The following MYO1E variants were observed in gnomAD, a reference collection of about 807,000 sequenced individuals.
MYO1E encodes unconventional myosin-Ie.
A neutral mutation model predicts 151.1 loss-of-function variants in MYO1E; 68 were observed. The ratio of observed to expected loss-of-function variants is 0.45; its 90% CI spans 0.37 to 0.55. The LOEUF is 0.55. Among genes scored for constraint, MYO1E ranks in the 20% least tolerant of loss-of-function variants. MYO1E has a pLI of 0.00. For missense variants in MYO1E, 1,363 were observed against 1,389.3 expected, an observed-to-expected ratio of 0.98 and a Z score of 0.30; for synonymous variants, 601 against 501.7, an observed-to-expected ratio of 1.20 and a Z score of -2.64.
chr15:59,303,738 G>A (rs2080497534), intron 1 of MYO1E, among the ~76,000 whole-genome samples: 1 of 152,114 alleles, frequency 6.6e-6, no homozygotes, highest in East Asian at 1.9e-4. Flanking sequence ...AAATGTGACA[G>A]GGAAAGGCGG....
intron 7 of MYO1E, among the ~76,000 whole-genome samples, chr15:59,226,018 G>A (rs767052563): frequency 2.0e-5 from 3 of 152,166 alleles, no homozygotes; most frequent in Non-Finnish European, 4.4e-5. Context: ...GGTGGTTTCT[G>A]ACTTAAGGGC....
At chr15:59,255,467 T>C (rs1468462929) in intron 4 of MYO1E, among the ~76,000 whole-genome samples, 5 of 152,188 alleles carry the variant, frequency 3.3e-5, no homozygotes, top group Non-Finnish European at 7.3e-5. Context: ...CGATCTCAGC[T>C]CACTGCAACC....
Position 59,137,229 on chromosome 15 carries a change from T to TGAA in MYO1E, c.*150_*151insTTC. 2.7e-6 allele frequency: 2 copies of TGAA among 735,452 alleles called. No homozygotes were observed. The highest frequency in any genetic ancestry group is 3.1e-5 in the South Asian group (2 of 63,588). The allele number at this position is 735,452 out of a possible 1,614,324, so 45.6% of individuals were successfully genotyped here. A position where few individuals can be genotyped will look rare whatever the true frequency, so the allele number is the denominator to read the frequency against. ...TACTCCCTGTCCCCAACCCAGCCTT[T>TGAA]TCAGTGTCCTCCATGGGGAAGGTAC... On this transcript the variant is annotated 3_prime_UTR_variant, in exon 28 of 28. Coordinates refer to ENST00000288235, the MANE Select transcript of MYO1E (RefSeq NM_004998.4).
chr15:59,353,369 A>AAAAGAAAAGAAAAG (rs761583307), intron 1 of MYO1E, among the ~76,000 whole-genome samples: 18 of 96,882 alleles, frequency 1.9e-4, no homozygotes, highest in African/African-American at 4.2e-4. Context: ...AAAAAAAAAA[A>AAAAGAAAAGAAAAG]AAAAGAAAAG....
At chr15:59,262,503 C>A (rs2080230024) in intron 2 of MYO1E, among the ~76,000 whole-genome samples, 1 of 151,998 alleles carries the variant, frequency 6.6e-6, no homozygotes, top group Non-Finnish European at 1.5e-5. Flanking sequence ...GGGCGTGTGC[C>A]TGCAGTCCCA....
intron 1 of MYO1E, chr15:59,341,394 T>C (rs1223526633): frequency 6.6e-6 from 1 of 152,226 alleles, no homozygotes; most frequent in Non-Finnish European, 1.5e-5. Flanking sequence ...ATTCCAATTT[T>C]AGTATACGTG....
intron 12 of MYO1E, among the ~76,000 whole-genome samples, chr15:59,211,142 G>A (rs974978902): frequency 6.0e-5 from 9 of 150,786 alleles, no homozygotes; most frequent in Non-Finnish European, 1.5e-5. Flanking sequence ...GGAGGTTGAA[G>A]TGAGCTGAGA....
intron 16 of MYO1E, among the ~76,000 whole-genome samples, chr15:59,200,656 A>G (rs1434446318): frequency 1.3e-5 from 2 of 152,186 alleles, no homozygotes; most frequent in East Asian, 1.9e-4. Context: ...GCAGAGACCA[A>G]CAACGGCGAT....
chr15:59,362,985 T>C (rs1226697569), intron 1 of MYO1E, among the ~76,000 whole-genome samples: 7 of 149,106 alleles, frequency 4.7e-5, no homozygotes, highest in Admixed American at 4.7e-4. Context: ...TCTTTTTTTT[T>C]TTTTTTTTGA....
chr15:59,220,522 G>A lies in MYO1E; in HGVS notation c.911-2435C>T, dbSNP rs543933321. On this transcript the variant is annotated intron_variant, in intron 9 of 27. Coordinates refer to ENST00000288235, the MANE Select transcript of MYO1E (RefSeq NM_004998.4). ...ATGGCTATTTTGCTTTAGTAGGCCAGTTCTGATGAAAATCTTACCATTTTT... is the reference window on the plus strand; with the variant it reads ...ATGGCTATTTTGCTTTAGTAGGCCAATTCTGATGAAAATCTTACCATTTTT... Among the ~76,000 whole-genome samples, 14 of 152,286 alleles carry A rather than the reference G, an allele frequency of 9.2e-5. No individual in the cohort carries two copies. In the East Asian group the frequency reaches 1.7e-3, roughly 19 times the overall value.
At chr15:59,281,877 T>C (rs542071916) in intron 1 of MYO1E, among the ~76,000 whole-genome samples, 15 of 151,940 alleles carry the variant, frequency 9.9e-5, no homozygotes, top group Admixed American at 4.6e-4. Context: ...GGTGAAAGGA[T>C]TGCTTGAGCC....
chr15:59,149,047 T>TTTG (rs1566964354), intron 26 of MYO1E, among the ~76,000 whole-genome samples: 1 of 121,538 alleles, frequency 8.2e-6, no homozygotes, highest in Non-Finnish European at 1.9e-5. Context: ...TGTTTTTTTT[T>TTTG]TTTTGTTTTT....
intron 1 of MYO1E, among the ~76,000 whole-genome samples, chr15:59,335,489 G>A (rs1242958178): frequency 1.3e-5 from 2 of 151,914 alleles, no homozygotes; most frequent in Non-Finnish European, 1.5e-5. Context: ...ATAAATCTGT[G>A]CCGAATATGA....
In MYO1E at chr15:59,174,196, A is replaced by T; in HGVS notation, c.2094T>A (p.Tyr698Ter). The T allele has an allele frequency of 1.2e-6, 2 of 1,614,106 alleles. No individual in the cohort carries two copies. Among genetic ancestry groups the T allele is most frequent in the Non-Finnish European group, 1.7e-6 (2 of 1,179,972 alleles). Reference sequence around the variant, plus strand: ...TCCATGATTTCTGTATCACTCGAGCATACCCATCATACTTTCTCTCTCTCA... The same window carrying T: ...TCCATGATTTCTGTATCACTCGAGCTTACCCATCATACTTTCTCTCTCTCA... Reference protein sequence around the residue: ...EEMRERKYDGYARVIQKSWRK... With the variant: ...EEMRERKYDG The change falls in exon 20 of 28, where the codon TAT becomes TAA. Residue 698 changes from tyrosine to a stop codon, truncating the protein, a stop_gained. Coordinates refer to ENST00000288235, the MANE Select transcript of MYO1E (RefSeq NM_004998.4). LOFTEE classifies it high-confidence loss of function.
chr15:59,277,557 A>AC (rs879769207), intron 1 of MYO1E, among the ~76,000 whole-genome samples: 1 of 46,602 alleles, frequency 2.1e-5, no homozygotes. Context: ...ACAAAAAAAA[A>AC]AAAAAAAAAA....
chr15:59,202,377 A>AT lies in MYO1E; in HGVS notation c.1646dup (p.Asn549LysfsTer5). 1 of 1,614,088 alleles carries AT rather than the reference A, an allele frequency of 6.2e-7. No homozygotes were observed. Among genetic ancestry groups the AT allele is most frequent in the Non-Finnish European group, 8.5e-7 (1 of 1,179,966 alleles). On this transcript the variant is annotated frameshift_variant, in exon 16 of 28. Coordinates refer to ENST00000288235, the MANE Select transcript of MYO1E (RefSeq NM_004998.4). LOFTEE classifies it high-confidence loss of function. ...GGCGCCCTTTCTTGTCAGCCTGCAGATTTTCCGGAAATAAAGACTTTATGA... is the reference window on the plus strand; with the variant it reads ...GGCGCCCTTTCTTGTCAGCCTGCAGATTTTTCCGGAAATAAAGACTTTATGA...
intron 1 of MYO1E, among the ~76,000 whole-genome samples, chr15:59,301,632 G>A (rs537433529): frequency 1.3e-4 from 20 of 152,314 alleles, no homozygotes; most frequent in Non-Finnish European, 2.1e-4. Context: ...CACTCTCCTC[G>A]GTCCTTGAGG....
chr15:59,151,889 T>TACACACACACACACACACACAC (rs34550013), intron 26 of MYO1E, among the ~76,000 whole-genome samples: 6 of 147,156 alleles, frequency 4.1e-5, no homozygotes, highest in African/African-American at 1.5e-4. Context: ...TCTACAAAAA[T>TACACACACACACACACACACAC]ACACACACAC....
chr15:59,266,830 T>A (rs1307816751), intron 2 of MYO1E: 1 of 150,662 alleles, frequency 6.6e-6, no homozygotes, highest in African/African-American at 2.4e-5. Flanking sequence ...CCCGGCTAAT[T>A]TTTTACATTT....
Sources: allele counts gnomAD v4.1 joint callset (sites outside exome capture counted in the v4.1 genomes callset), GRCh38; gene constraint gnomAD v4.1.1; transcripts MANE v1.5; gene names NCBI Gene and HGNC (gene_info 2026-07-23, HGNC 2026-07-21).